SMPD4: variants seen among roughly 807,000 people sequenced by gnomAD.
SMPD4 encodes neutral sphingomyelinase 3.
In SMPD4, 58 loss-of-function variants were observed where a neutral mutation model predicts 97.8. The observed-to-expected ratio is 0.59, with a 90% CI of 0.48 to 0.74. The LOEUF (loss-of-function observed/expected upper bound fraction) is 0.74. SMPD4 is among the 30% of genes least tolerant of loss of function. SMPD4 has a pLI of 0.00. For missense variants in SMPD4, 853 were observed against 1,080.5 expected (o/e 0.79, Z 2.95); for synonymous variants, 388 against 450.0 (o/e 0.86, Z 1.74).
intron 8 of SMPD4, among the ~76,000 whole-genome samples, chr2:130,168,521 G>A (rs1457446773): frequency 8.2e-6 from 1 of 121,822 alleles, no homozygotes; most frequent in Non-Finnish European, 1.7e-5. Flanking sequence ...GTAAATTCTC[G>A]TTATCAATTT....
chr2:130,162,154 G>A lies in SMPD4; in HGVS notation c.865-882C>T, dbSNP rs868583162. Among the ~76,000 whole-genome samples the A allele has an allele frequency of 3.9e-5, 6 of 152,358 alleles. No individual in the cohort carries two copies. In the South Asian group the frequency reaches 6.2e-4, roughly 16 times the overall value. On this transcript the variant is annotated intron_variant, in intron 10 of 19. Transcript: ENST00000680298. ...CCAGATACAGTGGGTTCCCAAGGGCGGGAGCCCCTGAGGATCTGGCCACAG... is the reference window on the plus strand; with the variant it reads ...CCAGATACAGTGGGTTCCCAAGGGCAGGAGCCCCTGAGGATCTGGCCACAG...
rs1686321895 is a variant in SMPD4 at position 130,152,450 on chromosome 2, A to G, written c.*105T>C. On this transcript the variant is annotated 3_prime_UTR_variant, in exon 20 of 20. Coordinates refer to ENST00000680298, the MANE Select transcript of SMPD4 (RefSeq NM_017951.5). Reference sequence around the variant, plus strand: ...GCAGGAACCCCGCTCCAGAAGCCCGAGGATGACCGTGTTCCCTCCTGGAGG... The same window carrying G: ...GCAGGAACCCCGCTCCAGAAGCCCGGGGATGACCGTGTTCCCTCCTGGAGG... The G allele has an allele frequency of 2.4e-6, 3 of 1,270,636 alleles. No homozygotes were observed. The Admixed American group carries it at 8.4e-5, about 35-fold the overall frequency. The allele number at this position is 1,270,636 out of a possible 1,614,324, so 78.7% of individuals were successfully genotyped here. A position where few individuals can be genotyped will look rare whatever the true frequency, so the allele number is the denominator to read the frequency against.
chr2:130,163,583 G>GGC (rs1687631154), intron 10 of SMPD4, among the ~76,000 whole-genome samples: 1 of 152,382 alleles, frequency 6.6e-6, no homozygotes, highest in East Asian at 1.9e-4. Context: ...GCATACTGAT[G>GGC]CACAGACGCC....
chr2:130,180,717 C>T (rs1361579037), intron 1 of SMPD4, among the ~76,000 whole-genome samples: 2 of 152,206 alleles, frequency 1.3e-5, no homozygotes, highest in African/African-American at 4.8e-5. Flanking sequence ...GCTCTAGAGA[C>T]GATGAAGGGG....
Position 130,173,362 on chromosome 2 carries a change from C to A in SMPD4, c.270-8G>T, listed in dbSNP as rs2443637. On this transcript the variant is annotated splice_region_variant and splice_polypyrimidine_tract_variant and intron_variant, in intron 4 of 19. Transcript: ENST00000680298. ...AACTTCATCATTGGGCCACTGAACA[C>A]GAAATTGAACAAACAAACAAAAACA... is the stretch of plus-strand genomic sequence containing the variant. 1 of 1,610,880 alleles carries A rather than the reference C, an allele frequency of 6.2e-7. No individual in the cohort carries two copies.
chr2:130,152,879 T>C lies in SMPD4; in HGVS notation c.2160A>G (p.Ala720=), dbSNP rs532002841. The change falls in exon 20 of 20, where the codon GCA becomes GCG. Residue 720 remains alanine, a synonymous_variant. Transcript: ENST00000680298. ...RLSSAINHRF[A]GQMAALCSRD... ...GGGAACACAGAGCCGCCATCTGTCCTGCAAACTGAAGCACAGACAGAGGCA... is the reference window on the plus strand; with the variant it reads ...GGGAACACAGAGCCGCCATCTGTCCCGCAAACTGAAGCACAGACAGAGGCA... 66 of 1,582,396 alleles carry C rather than the reference T, an allele frequency of 4.2e-5. No homozygotes were observed. In the East Asian group the frequency reaches 1.5e-3, roughly 35 times the overall value.
intron 9 of SMPD4, among the ~76,000 whole-genome samples, chr2:130,164,742 G>GA (rs1319204559): frequency 3.3e-5 from 5 of 150,538 alleles, no homozygotes; most frequent in African/African-American, 4.9e-5. Context: ...GCAACAAAAG[G>GA]AAAAAAAATA....
chr2:130,165,918 T>G (rs1427548105), intron 9 of SMPD4, among the ~76,000 whole-genome samples: 1 of 152,188 alleles, frequency 6.6e-6, no homozygotes, highest in South Asian at 2.1e-4. Context: ...GGAGATTGCA[T>G]GCACAACAAC....
intron 1 of SMPD4, among the ~76,000 whole-genome samples, chr2:130,179,511 C>G (rs1434280042): frequency 2.0e-5 from 3 of 152,092 alleles, no homozygotes; most frequent in Non-Finnish European, 2.9e-5. Flanking sequence ...CTCAGCCTCC[C>G]GAGTAGCTGG....
At position 130,153,457 on chromosome 2, in the gene SMPD4, G is replaced by C; in HGVS notation, c.1894-7C>G. 1.2e-6 allele frequency: 2 copies of C among 1,613,648 alleles called. No homozygotes were observed. Among genetic ancestry groups the C allele is most frequent in the Non-Finnish European group, 1.7e-6 (2 of 1,179,918 alleles). On this transcript the variant is annotated splice_polypyrimidine_tract_variant and splice_region_variant and intron_variant, in intron 17 of 19. Transcript: ENST00000680298. ...TGAGCTGCGCTTCGCTGAGCTGCCA[G>C]AGAGAAATGCCACTGCCCTCAGCAT...
chr2:130,163,100 CAGG>C (rs1421603077), intron 10 of SMPD4, among the ~76,000 whole-genome samples: 1 of 152,256 alleles, frequency 6.6e-6, no homozygotes, highest in Non-Finnish European at 1.5e-5. Flanking sequence ...GAAGGAGCAA[CAGG>C]AACACAATGC....
intron 11 of SMPD4, 47 bp downstream of exon 11, chr2:130,161,128 CTTTGCCAGGCA>C (rs1251811213): frequency 6.4e-7 from 1 of 1,558,940 alleles, no homozygotes; most frequent in African/African-American, 1.4e-5. Context: ...CGGCCCCTTG[CTTTGCCAGGCA>C]TGGACATGCA....
At position 130,157,671 on chromosome 2, in the gene SMPD4, C is replaced by T. The variant is rs1404414247; in HGVS notation, c.952-275G>A. 7.0e-6 allele frequency: 4 copies of T among 569,010 alleles called. No homozygotes were observed. The African/African-American group carries it at 7.6e-5, about 11-fold the overall frequency. 35.2% of individuals were successfully genotyped at this position (569,010 alleles called of 1,614,324 possible). On this transcript the variant is annotated intron_variant, in intron 11 of 19. Coordinates refer to ENST00000680298, the MANE Select transcript of SMPD4 (RefSeq NM_017951.5). Reference sequence around the variant, plus strand: ...CCTGGGGAGGCCTCACTAAGACAGACACATCTGCAGAGGGCCTCCCAGCCC... The same window carrying T: ...CCTGGGGAGGCCTCACTAAGACAGATACATCTGCAGAGGGCCTCCCAGCCC...
intron 1 of SMPD4, among the ~76,000 whole-genome samples, chr2:130,178,712 T>C (rs1236516410): frequency 5.9e-5 from 9 of 151,730 alleles, no homozygotes; most frequent in Non-Finnish European, 1.3e-4. Context: ...TGAGAAATGC[T>C]TGAGCCCAGG....
chr2:130,170,596 C>G (rs115456783), intron 8 of SMPD4, among the ~76,000 whole-genome samples: 3,298 of 151,776 alleles, frequency 0.022, 97 homozygotes, highest in African/African-American at 0.068. Flanking sequence ...CAAGACCCAT[C>G]TTACAAAAAA....
intron 11 of SMPD4, chr2:130,158,242 T>C (rs1482594994): frequency 7.8e-7 from 1 of 1,288,646 alleles, no homozygotes; most frequent in Non-Finnish European, 1.0e-6. Context: ...GCCCCGGGCG[T>C]CACTTCCTCT....
chr2:130,165,895 T>C (rs1468719099), intron 9 of SMPD4, among the ~76,000 whole-genome samples: 1 of 152,144 alleles, frequency 6.6e-6, no homozygotes. Context: ...TTTTGCAAGA[T>C]GAAAAGCATT....
rs542450477 is a variant in SMPD4, at chr2:130,152,725, G to A, written c.2314C>T (p.Arg772Cys). Residue 772 changes from arginine to cysteine, a missense_variant, in exon 20 of 20, where the codon CGC (arginine) becomes TGC (cysteine). Physicochemically the swap from Arg to Cys is radical, Grantham distance 180. Transcript: ENST00000680298. ...AGCGTCCGGTAACTGCCCAGGAAGC[G>A]CAGGCTGAGCCTGGGGCCGCGGGTG... ...GHTRGPRLSL[R>C]FLGSYRTLVS... 3.4e-5 allele frequency: 54 copies of A among 1,586,352 alleles called. No individual in the cohort carries two copies. The highest frequency in any genetic ancestry group is 4.3e-5 in the Non-Finnish European group (50 of 1,167,586).
At chr2:130,156,951 G>A (rs1023062290) in intron 12 of SMPD4, 2 of 928,278 alleles carry the variant, frequency 2.2e-6, no homozygotes, top group Non-Finnish European at 3.2e-6. Context: ...TGCTGGCCCT[G>A]GTGGGCCTGG....
Sources: allele counts gnomAD v4.1 joint callset (sites outside exome capture counted in the v4.1 genomes callset), GRCh38; gene constraint gnomAD v4.1.1; transcripts MANE v1.5; gene names NCBI Gene and HGNC (gene_info 2026-07-23, HGNC 2026-07-21).